TTC23: variants seen among roughly 807,000 people sequenced by gnomAD.
The protein encoded by TTC23 is tetratricopeptide repeat domain 23.
Under a neutral mutation model 55.1 loss-of-function variants are expected in TTC23, and 58 were observed. The ratio of observed to expected loss-of-function variants is 1.05; its 90% CI spans 0.85 to 1.31. TTC23 has a LOEUF of 1.31. Ranked by LOEUF, TTC23 falls within the 50% of genes most tolerant of loss-of-function variation. The pLI is 0.00. For synonymous variants in TTC23, 203 were observed against 199.9 expected (o/e 1.02, Z -0.13); for missense variants, 516 against 534.4 (o/e 0.97, Z 0.34).
chr15:99,156,406 CT>C (rs1393610584), intron 11 of TTC23, 109 bp from the exon 12 acceptor site: 1 of 1,293,022 alleles, frequency 7.7e-7, no homozygotes, highest in African/African-American at 1.5e-5. Context: ...CGAGCTGAGC[CT>C]GTTCTCCTCT....
chr15:99,221,307 T>C (rs950421218), intron 6 of TTC23, among the ~76,000 whole-genome samples: 4 of 152,216 alleles, frequency 2.6e-5, no homozygotes, highest in Admixed American at 6.5e-5. Flanking sequence ...TTTTAAGTTG[T>C]ATGAGCCAAA....
chr15:99,160,909 G>C (rs1369105695), intron 11 of TTC23: 1 of 151,698 alleles, frequency 6.6e-6, no homozygotes, highest in Non-Finnish European at 1.5e-5. Flanking sequence ...AGCTACTCGG[G>C]GGGCTGAGGC....
At position 99,139,768 on chromosome 15, in the gene TTC23, TTTTG is replaced by T. The variant is rs541482700; in HGVS notation, c.1144-373_1144-370del. 2.3e-4 allele frequency: 294 copies of T among 1,298,992 alleles called. No homozygotes were observed. In the East Asian group the frequency reaches 0.013, roughly 58 times the overall value. The allele number at this position is 1,298,992 out of a possible 1,614,324, so 80.5% of individuals were successfully genotyped here. A position where few individuals can be genotyped will look rare whatever the true frequency, so the allele number is the denominator to read the frequency against. ...GCCTGGAAAAGATTTAAAAAAATAG[TTTTG>T]TTTTTTTTGTAAACACATACTCTAC... On this transcript the variant is annotated intron_variant, in intron 12 of 13. Coordinates refer to ENST00000394132, the MANE Select transcript of TTC23 (RefSeq NM_001288615.3).
chr15:99,180,267 T>C (rs575291196), intron 9 of TTC23, among the ~76,000 whole-genome samples: 2 of 152,200 alleles, frequency 1.3e-5, no homozygotes, highest in African/African-American at 4.8e-5. Context: ...TCCAAATCCC[T>C]TGGGGTGCTG....
At chr15:99,214,580 C>A (rs1567505408) in intron 8 of TTC23, among the ~76,000 whole-genome samples, 1 of 151,444 alleles carries the variant, frequency 6.6e-6, no homozygotes, top group Non-Finnish European at 1.5e-5. Context: ...TGAGCACCAC[C>A]ACACTTGGAT....
chr15:99,143,058 G>C (rs1488112380), intron 12 of TTC23, among the ~76,000 whole-genome samples: 1 of 152,164 alleles, frequency 6.6e-6, no homozygotes, highest in African/African-American at 2.4e-5. Flanking sequence ...AGATGCAAAG[G>C]GGTGTCAGCT....
intron 1 of TTC23, among the ~76,000 whole-genome samples, chr15:99,246,683 G>A (rs976411210): frequency 5.3e-5 from 8 of 151,972 alleles, no homozygotes; most frequent in African/African-American, 1.7e-4. Context: ...CACTTTGGGA[G>A]GCCAAGGCAG....
chr15:99,249,585 A>G (rs974410847), upstream of TTC23: 4 of 152,192 alleles, frequency 2.6e-5, no homozygotes, highest in African/African-American at 9.7e-5. Context: ...GTACCTCACA[A>G]AACTCCAGGC....
At position 99,182,248 on chromosome 15, in the gene TTC23, TCACACACA is replaced by T. The variant is rs56223763; in HGVS notation, c.760-7101_760-7094del. On this transcript the variant is annotated intron_variant, in intron 9 of 13. Coordinates refer to ENST00000394132, the MANE Select transcript of TTC23 (RefSeq NM_001288615.3). ...ATCTCTCTCTCTCTCTCTCTCTCTC[TCACACACA>T]CACACACACACACACACACACACAC... Among the ~76,000 whole-genome samples, 462 of 108,658 alleles carry T rather than the reference TCACACACA, an allele frequency of 4.3e-3. 1 individual carries two copies. The highest frequency in any genetic ancestry group is 0.014 in the African/African-American group (354 of 26,170). The allele number at this position is 108,658 out of a possible 152,430, so 71.3% of individuals were successfully genotyped here.
Position 99,173,304 on chromosome 15 carries a change from T to C in TTC23, c.865+1746A>G, listed in dbSNP as rs73463315. Among the ~76,000 whole-genome samples the C allele has an allele frequency of 5.7e-3, 867 of 152,316 alleles. 9 individuals are homozygous for C. Among genetic ancestry groups the C allele is most frequent in the African/African-American group, 0.02 (819 of 41,578 alleles). Reference sequence around the variant, plus strand: ...TCAGTTAGTTACCATCAGTTAAAAATTGGGCTGGGTCTGTGGTGGCTCATG... The same window carrying C: ...TCAGTTAGTTACCATCAGTTAAAAACTGGGCTGGGTCTGTGGTGGCTCATG... On this transcript the variant is annotated intron_variant, in intron 10 of 13. Coordinates refer to ENST00000394132, the MANE Select transcript of TTC23 (RefSeq NM_001288615.3).
At chr15:99,221,466 C>G (rs1449581523) in intron 6 of TTC23, among the ~76,000 whole-genome samples, 2 of 152,132 alleles carry the variant, frequency 1.3e-5, no homozygotes, top group Non-Finnish European at 2.9e-5. Context: ...TCTGGCCCAA[C>G]AGATTAATTT....
chr15:99,150,741 T>C lies in TTC23; in HGVS notation c.1143+5407A>G, dbSNP rs536925702. On this transcript the variant is annotated intron_variant, in intron 12 of 13. Coordinates refer to ENST00000394132, the MANE Select transcript of TTC23 (RefSeq NM_001288615.3). ...AACTTGAGGGCCACACAAAAGCAGG[T>C]GGAGGGCTGCATTTGGCCTGTGGGC... Among the ~76,000 whole-genome samples the C allele has an allele frequency of 1.7e-4, 26 of 152,286 alleles. No homozygotes were observed. The South Asian group carries it at 2.5e-3, about 15-fold the overall frequency.
chr15:99,166,225 G>A (rs561887152), intron 10 of TTC23, among the ~76,000 whole-genome samples: 4 of 152,144 alleles, frequency 2.6e-5, no homozygotes, highest in South Asian at 4.1e-4. Flanking sequence ...GGACACAGCC[G>A]CACCTCACAT....
intron 8 of TTC23, among the ~76,000 whole-genome samples, chr15:99,215,678 T>C (rs1019205605): frequency 8.6e-5 from 13 of 151,574 alleles, no homozygotes; most frequent in Admixed American, 4.6e-4. Flanking sequence ...CCCAGGGAGG[T>C]TGAAGCTGCT....
intron 8 of TTC23, among the ~76,000 whole-genome samples, chr15:99,217,453 G>A (rs915213478): frequency 1.3e-5 from 2 of 152,058 alleles, no homozygotes; most frequent in African/African-American, 2.4e-5. Context: ...CACTGTGCCC[G>A]GCCAAATTTA....
intron 9 of TTC23, among the ~76,000 whole-genome samples, chr15:99,182,487 G>T (rs1484404488): frequency 6.6e-6 from 1 of 152,046 alleles, no homozygotes; most frequent in African/African-American, 2.4e-5. Context: ...TGTTTCTACT[G>T]AGTTGTCTTT....
At chr15:99,143,686 TTG>T (rs2068501682) in intron 12 of TTC23, among the ~76,000 whole-genome samples, 1 of 152,244 alleles carries the variant, frequency 6.6e-6, no homozygotes, top group African/African-American at 2.4e-5. Flanking sequence ...GAGAAGTCAC[TTG>T]TGTTTCTACT....
intron 9 of TTC23, among the ~76,000 whole-genome samples, chr15:99,178,104 C>A (rs1278619765): frequency 6.6e-6 from 1 of 152,116 alleles, no homozygotes. Context: ...ATCACTTGAT[C>A]CTGGGAGATC....
In TTC23 at chr15:99,161,831, T is replaced by C. The variant is rs1200919175; in HGVS notation, c.902A>G (p.His301Arg). The C allele has an allele frequency of 1.9e-6, 3 of 1,613,122 alleles. No homozygotes were observed. Among genetic ancestry groups the C allele is most frequent in the Non-Finnish European group, 1.7e-6 (2 of 1,179,814 alleles). Residue 301 changes from histidine (H) to arginine (R), a missense_variant, in exon 11 of 14, where the codon CAT becomes CGT. By Grantham distance (29) the His-to-Arg change is conservative. Transcript: ENST00000394132. The stretch of plus-strand genomic sequence containing the variant: ...TCCCATCCCTTCAGAATCCTTAAGA[T>C]GAGCCATGCTCTCTTGAAAATACTG... Reference protein sequence around the residue: ...AEQYFQESMAHLKDSEGMGRT... With the variant: ...AEQYFQESMARLKDSEGMGRT...
Sources: allele counts gnomAD v4.1 joint callset (sites outside exome capture counted in the v4.1 genomes callset), GRCh38; gene constraint gnomAD v4.1.1; transcripts MANE v1.5; gene names NCBI Gene and HGNC (gene_info 2026-07-23, HGNC 2026-07-21).